EYS: variants seen among roughly 807,000 people sequenced by gnomAD.
The protein encoded by EYS is EGF-like photoreceptor maintenance factor.
In EYS, 250 loss-of-function variants were observed where a neutral mutation model predicts 282.1. The ratio of observed to expected loss-of-function variants is 0.89; its 90% CI spans 0.80 to 0.98. The LOEUF (loss-of-function observed/expected upper bound fraction) is 0.98, where lower values mean the gene tolerates loss of function less well. EYS is among the 50% of genes least tolerant of loss of function. EYS has a pLI of 0.00. For missense variants in EYS, 4,016 were observed against 3,709.0 expected, an observed-to-expected ratio of 1.08 and a Z score of -2.15; for synonymous variants, 1,355 against 1,282.9, an observed-to-expected ratio of 1.06 and a Z score of -1.20.
At chr6:64,468,600 C>CACA (rs1178389015) in intron 26 of EYS, among the ~76,000 whole-genome samples, 14 of 152,278 alleles carry the variant, frequency 9.2e-5, no homozygotes, top group African/African-American at 3.4e-4. Flanking sequence ...TATTTGATCA[C>CACA]ACAGGTAATA....
chr6:65,353,381 G>A (rs905158570), intron 9 of EYS, 77 bp downstream of exon 9: 4 of 1,243,950 alleles, frequency 3.2e-6, no homozygotes, highest in Non-Finnish European at 4.7e-6. Context: ...TACTTTGTGT[G>A]TTTAGAAAAT....
intron 37 of EYS, 64 bp from the exon 38 acceptor site, chr6:63,789,288 A>C: frequency 6.8e-7 from 1 of 1,463,438 alleles, no homozygotes; most frequent in Middle Eastern, 2.3e-4. Flanking sequence ...CGTCAGCTTT[A>C]TTTTACTGAC....
chr6:64,723,170 A>G (rs1771642483), intron 22 of EYS, among the ~76,000 whole-genome samples: 1 of 152,056 alleles, frequency 6.6e-6, no homozygotes, highest in African/African-American at 2.4e-5. Context: ...CCATCTGTGT[A>G]GTCCATGCTC....
chr6:64,172,615 T>C (rs1378321293), intron 31 of EYS, among the ~76,000 whole-genome samples: 2 of 152,164 alleles, frequency 1.3e-5, no homozygotes, highest in Non-Finnish European at 2.9e-5. Flanking sequence ...CAGGCAGCAA[T>C]GCTCACTCAC....
At chr6:65,209,097 G>C (rs1766108070) in intron 12 of EYS, among the ~76,000 whole-genome samples, 1 of 151,812 alleles carries the variant, frequency 6.6e-6, no homozygotes, top group Non-Finnish European at 1.5e-5. Context: ...GCTTCTGAAA[G>C]TAAGCCCTAT....
At chr6:63,736,135 G>A (rs915081230) in intron 41 of EYS, among the ~76,000 whole-genome samples, 1 of 152,110 alleles carries the variant, frequency 6.6e-6, no homozygotes, top group Non-Finnish European at 1.5e-5. Flanking sequence ...ATTGCTTTTG[G>A]TGTTTTAGAC....
intron 10 of EYS, among the ~76,000 whole-genome samples, chr6:65,343,558 C>T (rs1446655538): frequency 6.6e-6 from 1 of 150,926 alleles, no homozygotes; most frequent in African/African-American, 2.4e-5. Context: ...TTGCCATAGG[C>T]CTCACAATTT....
intron 11 of EYS, among the ~76,000 whole-genome samples, chr6:65,310,093 C>T (rs1350885885): frequency 6.6e-6 from 1 of 152,144 alleles, no homozygotes; most frequent in Non-Finnish European, 1.5e-5. Context: ...CCTGTCATCC[C>T]AGCACTTTGA....
chr6:65,684,833 CGTT>C lies in EYS; in HGVS notation c.-448+22299_-448+22301del, dbSNP rs74788618. ...AGCATAGATATGATAAGTAGTTTTTCGTTGTTGTTGTTTTCTCTTCTTTTGTTT... is the reference window on the plus strand; with the variant it reads ...AGCATAGATATGATAAGTAGTTTTTCGTTGTTGTTTTCTCTTCTTTTGTTT... On this transcript the variant is annotated intron_variant, in intron 1 of 42. Transcript: ENST00000503581. Among the ~76,000 whole-genome samples the C allele has an allele frequency of 2.3e-4, 35 of 152,002 alleles. No homozygotes were observed. In the East Asian group the frequency reaches 6.2e-3, roughly 27 times the overall value.
intron 2 of EYS, among the ~76,000 whole-genome samples, chr6:65,514,505 A>G (rs1318264350): frequency 2.0e-5 from 3 of 152,252 alleles, no homozygotes; most frequent in African/African-American, 7.2e-5. Context: ...CAAAAGAACA[A>G]AGCTGGAGGC....
At position 64,591,622 on chromosome 6, in the gene EYS, C is replaced by T. The variant is rs375166229; in HGVS notation, c.4245G>A (p.Gln1415=). The T allele has an allele frequency of 1.3e-6, 2 of 1,551,160 alleles. No homozygotes were observed. The highest frequency in any genetic ancestry group is 1.7e-6 in the Non-Finnish European group (2 of 1,146,738). ...TTGGGGTAGCAGATAAAGCAACAGT[C>T]TGACAGTTCTCAAATAATAAAGATT... is the stretch of plus-strand genomic sequence containing the variant. ...PTQSLLFENC[Q]TVALSATPTT... The change falls in exon 26 of 43, where the codon CAG becomes CAA. Residue 1415 remains glutamine (Q), a synonymous_variant. Coordinates refer to ENST00000503581, the MANE Select transcript of EYS (RefSeq NM_001142800.2).
chr6:64,198,154 G>T (rs1300346127), intron 31 of EYS, among the ~76,000 whole-genome samples: 3 of 145,056 alleles, frequency 2.1e-5, no homozygotes, highest in East Asian at 2.2e-4. Flanking sequence ...CACCACGGCC[G>T]GCCCGGCTAA....
intron 31 of EYS, among the ~76,000 whole-genome samples, chr6:64,136,221 T>C (rs1774158020): frequency 6.6e-6 from 1 of 152,034 alleles, no homozygotes; most frequent in Admixed American, 6.6e-5. Flanking sequence ...CATGAGATTA[T>C]AGCAAGTTAG....
At chr6:64,460,000 T>C (rs1004287686) in intron 26 of EYS, among the ~76,000 whole-genome samples, 1 of 152,028 alleles carries the variant, frequency 6.6e-6, no homozygotes, top group Non-Finnish European at 1.5e-5. Flanking sequence ...ATTTTTCTGT[T>C]GTGCCAGGAC....
chr6:63,794,778 T>G (rs1290744803), intron 37 of EYS, among the ~76,000 whole-genome samples: 1 of 152,188 alleles, frequency 6.6e-6, no homozygotes, highest in Non-Finnish European at 1.5e-5. Flanking sequence ...GTTTAGCAAT[T>G]GACATGGTGA....
chr6:64,116,303 A>G (rs11961930), intron 31 of EYS, among the ~76,000 whole-genome samples: 7,486 of 152,236 alleles, frequency 0.049, 561 homozygotes, highest in African/African-American at 0.16. Context: ...CTATATGGCT[A>G]TCAGTGGATT....
At chr6:63,969,867 A>G (rs1430243696) in intron 35 of EYS, among the ~76,000 whole-genome samples, 3 of 152,122 alleles carry the variant, frequency 2.0e-5, no homozygotes, top group Non-Finnish European at 4.4e-5. Context: ...AGCTGTTACC[A>G]CGTTTTTTAT....
chr6:65,615,123 AAGT>A (rs1419497045), intron 2 of EYS, among the ~76,000 whole-genome samples: 1 of 152,188 alleles, frequency 6.6e-6, no homozygotes, highest in Non-Finnish European at 1.5e-5. Context: ...ACTTGTCTGC[AAGT>A]AGGTTAATTG....
chr6:64,243,916 A>G (rs2150344721), intron 30 of EYS, among the ~76,000 whole-genome samples: 1 of 152,290 alleles, frequency 6.6e-6, no homozygotes, highest in South Asian at 2.1e-4. Context: ...CAAGTTATAA[A>G]TACTGCAGTG....
Sources: allele counts gnomAD v4.1 joint callset (sites outside exome capture counted in the v4.1 genomes callset), GRCh38; gene constraint gnomAD v4.1.1; transcripts MANE v1.5; gene names NCBI Gene and HGNC (gene_info 2026-07-23, HGNC 2026-07-21).